CSMD3: variants seen among roughly 807,000 people sequenced by gnomAD.
CSMD3 encodes the protein CUB and sushi domain-containing protein 3.
Under a neutral mutation model 435.2 loss-of-function variants are expected in CSMD3, and 177 were observed. The ratio of observed to expected loss-of-function variants is 0.41; its 90% CI spans 0.36 to 0.46. CSMD3 has a LOEUF of 0.46. Among genes scored for constraint, CSMD3 ranks in the 20% least tolerant of loss-of-function variants. The probability of loss-of-function intolerance (pLI) is 0.34; values close to 1 mark genes in which losing one functional copy is unlikely to be tolerated. For synonymous variants in CSMD3, 1,656 were observed against 1,520.5 expected, an observed-to-expected ratio of 1.09 and a Z score of -2.07; for missense variants, 4,265 against 4,504.6, an observed-to-expected ratio of 0.95 and a Z score of 1.52.
chr8:112,363,607 G>A (rs1409669551), intron 38 of CSMD3, among the ~76,000 whole-genome samples: 2 of 151,668 alleles, frequency 1.3e-5, no homozygotes, highest in East Asian at 3.9e-4. Context: ...AATGTATGAA[G>A]ACAAAAACAC....
intron 13 of CSMD3, among the ~76,000 whole-genome samples, chr8:112,787,194 A>G (rs1442436819): frequency 6.6e-6 from 1 of 152,144 alleles, no homozygotes; most frequent in Non-Finnish European, 1.5e-5. Context: ...CAAGAAACAT[A>G]TGTGTGCATG....
intron 58 of CSMD3, among the ~76,000 whole-genome samples, chr8:112,285,317 T>C (rs1819075196): frequency 6.6e-6 from 1 of 152,118 alleles, no homozygotes; most frequent in Non-Finnish European, 1.5e-5. Context: ...GGAAAATAAG[T>C]TTGAGAAATA....
intron 1 of CSMD3, among the ~76,000 whole-genome samples, chr8:113,414,988 AT>A (rs2094575784): frequency 6.6e-6 from 1 of 152,026 alleles, no homozygotes; most frequent in Non-Finnish European, 1.5e-5. Flanking sequence ...AAAACAAAAA[AT>A]AACAACAACA....
At chr8:112,752,010 A>G (rs1166814910) in intron 13 of CSMD3, among the ~76,000 whole-genome samples, 1 of 151,886 alleles carries the variant, frequency 6.6e-6, no homozygotes, top group East Asian at 1.9e-4. Flanking sequence ...TTCCTCTTCC[A>G]TTCGCCCTTA....
intron 13 of CSMD3, among the ~76,000 whole-genome samples, chr8:112,713,531 T>C (rs1409843453): frequency 6.6e-6 from 1 of 151,668 alleles, no homozygotes; most frequent in Non-Finnish European, 1.5e-5. Context: ...AACTTCCCCA[T>C]CCTAGCAAGA....
At chr8:112,434,108 G>C (rs1031359050) in intron 32 of CSMD3, among the ~76,000 whole-genome samples, 7 of 152,118 alleles carry the variant, frequency 4.6e-5, no homozygotes, top group African/African-American at 1.7e-4. Flanking sequence ...TTTTTGAAAA[G>C]TTATTCCAGA....
intron 28 of CSMD3, among the ~76,000 whole-genome samples, chr8:112,509,537 T>C (rs1210246999): frequency 6.6e-6 from 1 of 152,246 alleles, no homozygotes; most frequent in Non-Finnish European, 1.5e-5. Context: ...ATGAAGACTT[T>C]GCTGCCTTTA....
chr8:112,380,319 AC>A (rs768321647), intron 38 of CSMD3, 32 bp downstream of exon 38: 1 of 1,146,452 alleles, frequency 8.7e-7, no homozygotes, highest in African/African-American at 1.5e-5. Flanking sequence ...CTTGTTCTTA[AC>A]CTTTTTGAAT....
chr8:112,946,221 CTTAAT>C (rs1196084973), intron 9 of CSMD3, among the ~76,000 whole-genome samples: 1 of 151,632 alleles, frequency 6.6e-6, no homozygotes, highest in Non-Finnish European at 1.5e-5. Context: ...TAATAGAGTA[CTTAAT>C]TTGTCAAAAG....
At chr8:112,371,317 G>C (rs1408948476) in intron 38 of CSMD3, among the ~76,000 whole-genome samples, 1 of 152,130 alleles carries the variant, frequency 6.6e-6, no homozygotes, top group Non-Finnish European at 1.5e-5. Flanking sequence ...TTCCCATACA[G>C]AATACGACAT....
chr8:113,335,919 C>T (rs559178482), intron 1 of CSMD3, among the ~76,000 whole-genome samples: 14 of 151,896 alleles, frequency 9.2e-5, no homozygotes, highest in Non-Finnish European at 1.8e-4. Flanking sequence ...TTGGTTTATC[C>T]ATTTTGGGGT....
chr8:112,396,680 A>C (rs1830887125), intron 35 of CSMD3, among the ~76,000 whole-genome samples: 1 of 152,164 alleles, frequency 6.6e-6, no homozygotes, highest in African/African-American at 2.4e-5. Flanking sequence ...TTTGCTGAAC[A>C]CCTGTTGTGT....
At chr8:112,384,211 A>G (rs1459291223) in intron 36 of CSMD3, among the ~76,000 whole-genome samples, 13 of 152,168 alleles carry the variant, frequency 8.5e-5, no homozygotes, top group Admixed American at 6.5e-4. Flanking sequence ...TTTAACACGC[A>G]TATTTTTAAT....
intron 40 of CSMD3, among the ~76,000 whole-genome samples, chr8:112,348,624 C>T (rs763727365): frequency 4.9e-4 from 75 of 151,892 alleles, no homozygotes; most frequent in Non-Finnish European, 3.2e-4. Flanking sequence ...GGGTCAGGTG[C>T]GGTGGTTCAT....
At chr8:112,565,592 TTTCTC>T (rs1301269321) in intron 24 of CSMD3, among the ~76,000 whole-genome samples, 1 of 152,096 alleles carries the variant, frequency 6.6e-6, no homozygotes, top group Non-Finnish European at 1.5e-5. Context: ...TATTTACAGT[TTTCTC>T]TTGGGATAAT....
intron 10 of CSMD3, among the ~76,000 whole-genome samples, chr8:112,866,352 A>G (rs1046388084): frequency 6.6e-6 from 1 of 152,242 alleles, no homozygotes; most frequent in African/African-American, 2.4e-5. Flanking sequence ...GCCTAATATG[A>G]TAATATGATT....
chr8:113,333,128 T>C (rs1451883930), intron 1 of CSMD3, among the ~76,000 whole-genome samples: 2 of 151,760 alleles, frequency 1.3e-5, no homozygotes, highest in Non-Finnish European at 3.0e-5. Flanking sequence ...AATTGGATCA[T>C]TAAATTTTTT....
chr8:113,432,820 G>A (rs2094683188), intron 1 of CSMD3, among the ~76,000 whole-genome samples: 1 of 152,164 alleles, frequency 6.6e-6, no homozygotes, highest in South Asian at 2.1e-4. Flanking sequence ...TGGAGTCCTG[G>A]GAACATTAAA....
intron 31 of CSMD3, among the ~76,000 whole-genome samples, chr8:112,490,140 T>C (rs1820544141): frequency 6.6e-6 from 1 of 152,196 alleles, no homozygotes; most frequent in South Asian, 2.1e-4. Context: ...ATTCCAACTT[T>C]TGTCAGAAAC....
Sources: gnomAD v4.1 joint callset for allele counts (sites outside exome capture counted in the v4.1 genomes callset) on GRCh38, gnomAD v4.1.1 for gene constraint, MANE v1.5 for transcripts, NCBI Gene and HGNC (gene_info 2026-07-23, HGNC 2026-07-21) for gene names.